Variants in CAMTA1 observed in about 807,000 individuals in gnomAD.
CAMTA1 encodes the protein calmodulin binding transcription activator 1, also known as calmodulin-binding transcription activator 1.
In CAMTA1, 27 loss-of-function variants were observed where a neutral mutation model predicts 170.9. The observed-to-expected ratio is 0.16, with a 90% CI of 0.12 to 0.22. The LOEUF is 0.22. Among genes scored for constraint, CAMTA1 ranks in the 10% least tolerant of loss-of-function variants. The probability of loss-of-function intolerance (pLI) is 1.00; values close to 1 mark genes in which losing one functional copy is unlikely to be tolerated. For synonymous variants in CAMTA1, 833 were observed against 891.5 expected (o/e 0.93, Z 1.17); for missense variants, 1,619 against 2,217.2 (o/e 0.73, Z 5.42).
At chr1:7,420,105 G>A (rs2091459161) in intron 5 of CAMTA1, among the ~76,000 whole-genome samples, 1 of 152,100 alleles carries the variant, frequency 6.6e-6, no homozygotes, top group Admixed American at 6.5e-5. Flanking sequence ...ACCCCAGTGG[G>A]GACCTCCACT....
intron 9 of CAMTA1, among the ~76,000 whole-genome samples, chr1:7,666,536 G>C (rs1194613471): frequency 6.6e-6 from 1 of 152,238 alleles, no homozygotes; most frequent in Non-Finnish European, 1.5e-5. Flanking sequence ...GAAGGGGACA[G>C]AGTGGCCCAG....
At chr1:7,204,830 C>CTTTTTT (rs367812076) in intron 4 of CAMTA1, among the ~76,000 whole-genome samples, 43 of 86,700 alleles carry the variant, frequency 5.0e-4, no homozygotes, top group South Asian at 1.4e-3. Flanking sequence ...TTCTTTTTTT[C>CTTTTTT]TTTTTTTTTT....
At chr1:6,967,870 C>T (rs887290846) in intron 3 of CAMTA1, among the ~76,000 whole-genome samples, 9 of 152,102 alleles carry the variant, frequency 5.9e-5, no homozygotes, top group South Asian at 2.1e-4. Flanking sequence ...CCAGAAAAAT[C>T]GGTAGGATCC....
chr1:7,037,847 A>AG (rs1703849966), intron 3 of CAMTA1, among the ~76,000 whole-genome samples: 1 of 152,044 alleles, frequency 6.6e-6, no homozygotes, highest in Admixed American at 6.6e-5. Context: ...CAAAAAAAAA[A>AG]AAATGCAGCT....
intron 6 of CAMTA1, among the ~76,000 whole-genome samples, chr1:7,630,955 ACTCC>A (rs2095665062): frequency 6.6e-6 from 1 of 151,520 alleles, no homozygotes; most frequent in Admixed American, 6.6e-5. Flanking sequence ...TTCAGTTCCT[ACTCC>A]CTCCCTTCTG....
chr1:6,975,786 C>T (rs948529502), intron 3 of CAMTA1, among the ~76,000 whole-genome samples: 1 of 152,172 alleles, frequency 6.6e-6, no homozygotes, highest in Non-Finnish European at 1.5e-5. Context: ...AAGCCTTGTA[C>T]TCCTCAGCTA....
At chr1:7,602,252 C>A (rs940534198) in intron 6 of CAMTA1, among the ~76,000 whole-genome samples, 4 of 150,096 alleles carry the variant, frequency 2.7e-5, no homozygotes, top group Admixed American at 1.3e-4. Context: ...CCTTGTACCT[C>A]TGGTAGAATT....
At chr1:7,459,712 G>A (rs920937164) in intron 5 of CAMTA1, among the ~76,000 whole-genome samples, 1 of 152,224 alleles carries the variant, frequency 6.6e-6, no homozygotes, top group Non-Finnish European at 1.5e-5. Context: ...GTCCAGGTAA[G>A]TCAAAGTCCC....
intron 3 of CAMTA1, among the ~76,000 whole-genome samples, chr1:7,053,695 G>A (rs1009060632): frequency 6.6e-6 from 1 of 152,160 alleles, no homozygotes; most frequent in Non-Finnish European, 1.5e-5. Flanking sequence ...CTTTGCCCTT[G>A]CTGGTCTTGC....
At chr1:6,975,601 G>A (rs956982961) in intron 3 of CAMTA1, among the ~76,000 whole-genome samples, 10 of 152,146 alleles carry the variant, frequency 6.6e-5, no homozygotes, top group African/African-American at 2.4e-4. Context: ...TGGCAGGAGA[G>A]GAGGAGGTGG....
chr1:6,955,881 T>G (rs1001253092), intron 3 of CAMTA1, among the ~76,000 whole-genome samples: 1 of 152,136 alleles, frequency 6.6e-6, no homozygotes, highest in Non-Finnish European at 1.5e-5. Context: ...AGGGATTTTC[T>G]CCCGCGGGTC....
Position 7,736,249 on chromosome 1 carries a change from T to C in CAMTA1, c.3067-95T>C. The C allele has an allele frequency of 2.0e-6, 2 of 1,024,006 alleles. No individual in the cohort carries two copies. The highest frequency in any genetic ancestry group is 2.9e-6 in the Non-Finnish European group (2 of 690,386). 63.4% of individuals were successfully genotyped at this position (1,024,006 alleles called of 1,614,324 possible). A position where few individuals can be genotyped will look rare whatever the true frequency, so the allele number is the denominator to read the frequency against. ...TGTTTTATGTTTTCCGTTGTGAGTT[T>C]CTAATCGTAAAGCATTTGTTTCCCC... is the stretch of plus-strand genomic sequence containing the variant. On this transcript the variant is annotated intron_variant, in intron 12 of 22. Coordinates refer to ENST00000303635, the MANE Select transcript of CAMTA1 (RefSeq NM_015215.4). This position sits in a 1 kb window ranked among gnomAD's most constrained non-coding sequence, Gnocchi z 4.5.
intron 3 of CAMTA1, among the ~76,000 whole-genome samples, chr1:6,836,079 C>G (rs1267483491): frequency 6.6e-6 from 1 of 152,150 alleles, no homozygotes; most frequent in East Asian, 1.9e-4. Context: ...ACCTGCCTAT[C>G]CAGCTACCTG....
intron 4 of CAMTA1, among the ~76,000 whole-genome samples, chr1:7,103,510 TAC>T (rs1558101308): frequency 3.8e-5 from 5 of 130,682 alleles, no homozygotes; most frequent in South Asian, 2.5e-4. Context: ...AGATACACAC[TAC>T]ACACGTACAC....
chr1:7,657,945 C>G (rs1032527215), intron 7 of CAMTA1, among the ~76,000 whole-genome samples: 3 of 152,334 alleles, frequency 2.0e-5, no homozygotes, highest in African/African-American at 7.2e-5. Flanking sequence ...GAGAATGCGG[C>G]TGCCGCACCC....
chr1:7,177,779 G>T (rs1651234728), intron 4 of CAMTA1, among the ~76,000 whole-genome samples: 1 of 148,402 alleles, frequency 6.7e-6, no homozygotes, highest in Admixed American at 6.7e-5. Context: ...ACACGCCAAG[G>T]CTCCTCCCTA....
intron 7 of CAMTA1, among the ~76,000 whole-genome samples, 188 bp from the exon 8 acceptor site, chr1:7,661,538 G>T (rs2095957434): frequency 6.6e-6 from 1 of 152,186 alleles, no homozygotes; most frequent in African/African-American, 2.4e-5. Context: ...TGGGAGCAGG[G>T]GGTCTGGCGG....
chr1:6,785,473 C>A lies in CAMTA1; in HGVS notation c.-58C>A. ...CGCGGCGGCGGCGGGGTGGCTGGGC[C>A]GGCGGCGGCGGCGGTACGAGGCGCG... On this transcript the variant is annotated 5_prime_UTR_variant, in exon 1 of 23. Coordinates refer to ENST00000303635, the MANE Select transcript of CAMTA1 (RefSeq NM_015215.4). 2.1e-6 allele frequency: 2 copies of A among 932,640 alleles called. No individual in the cohort carries two copies. The highest frequency in any genetic ancestry group is 2.6e-6 in the Non-Finnish European group (2 of 771,604). The allele number at this position is 932,640 out of a possible 1,614,324, so 57.8% of individuals were successfully genotyped here.
intron 3 of CAMTA1, among the ~76,000 whole-genome samples, chr1:6,966,316 C>T (rs149071005): frequency 5.3e-5 from 8 of 152,052 alleles, no homozygotes; most frequent in Admixed American, 2.0e-4. Flanking sequence ...CAAGAGAAAC[C>T]CCTCACTTCT....
Sources: allele counts gnomAD v4.1 joint callset (sites outside exome capture counted in the v4.1 genomes callset), GRCh38; gene constraint gnomAD v4.1.1; non-coding constraint Gnocchi (gnomAD v3.1); transcripts MANE v1.5; gene names NCBI Gene and HGNC (gene_info 2026-07-23, HGNC 2026-07-21).